Variants in TOP3A observed in about 807,000 individuals in gnomAD.
TOP3A encodes DNA topoisomerase III alpha, also known as DNA topoisomerase 3-alpha.
Under a neutral mutation model 111.3 loss-of-function variants are expected in TOP3A, and 64 were observed. That is an observed-to-expected ratio of 0.57 (90% CI 0.47 to 0.71). The LOEUF is 0.71. TOP3A is among the 30% of genes least tolerant of loss of function. TOP3A has a pLI of 0.00. For missense variants in TOP3A, 1,104 were observed against 1,285.0 expected, an observed-to-expected ratio of 0.86 and a Z score of 2.15; for synonymous variants, 484 against 485.1, an observed-to-expected ratio of 1.00 and a Z score of 0.03.
rs751280980 is a variant in TOP3A at position 18,278,322 on chromosome 17, G to A, written c.2180C>T (p.Pro727Leu). Residue 727 changes from proline to leucine, a missense_variant, in exon 18 of 19, where the codon CCG (proline) becomes CTG (leucine). Coordinates refer to ENST00000321105, the MANE Select transcript of TOP3A (RefSeq NM_004618.5). ...GCAAACAAACTCCAGAGGCATGGTC[G>A]GGGGAAGGCTACCGCGCTTAAACTT... is the stretch of plus-strand genomic sequence containing the variant. ...KLKFKRGSLP[P>L]TMPLEFVCCI... 30 of 1,516,142 alleles carry A rather than the reference G, an allele frequency of 2.0e-5. No homozygotes were observed. The East Asian group carries it at 3.6e-4, about 18-fold the overall frequency. 93.9% of individuals were successfully genotyped at this position (1,516,142 alleles called of 1,614,324 possible).
intron 18 of TOP3A, among the ~76,000 whole-genome samples, chr17:18,275,539 AT>A (rs1337214450): frequency 6.8e-6 from 1 of 147,420 alleles, no homozygotes; most frequent in Non-Finnish European, 1.5e-5. Flanking sequence ...TATTTTTTGT[AT>A]TTTTAGTAGA....
At chr17:18,285,333 G>GA (rs749420935) in intron 14 of TOP3A, 26 bp from the exon 15 acceptor site, 20 of 1,613,552 alleles carry the variant, frequency 1.2e-5, no homozygotes. Flanking sequence ...CGAGCTCAGT[G>GA]AGGGCCCACC....
Position 18,299,301 on chromosome 17 carries a change from C to A in TOP3A, c.990+258G>T, listed in dbSNP as rs141305605. Among the ~76,000 whole-genome samples the A allele has an allele frequency of 2.7e-3, 415 of 152,234 alleles. 5 individuals are homozygous for A. The highest frequency in any genetic ancestry group is 9.3e-3 in the African/African-American group (387 of 41,528). On this transcript the variant is annotated intron_variant, in intron 9 of 18. Transcript: ENST00000321105. ...AAATAATTAGCTGGTCATAGTGGTACATGACTATAGTCCCAGCTACTTGGG... is the reference window on the plus strand; with the variant it reads ...AAATAATTAGCTGGTCATAGTGGTAAATGACTATAGTCCCAGCTACTTGGG...
chr17:18,301,426 C>G (rs1353663858), intron 8 of TOP3A, among the ~76,000 whole-genome samples: 1 of 152,180 alleles, frequency 6.6e-6, no homozygotes, highest in Non-Finnish European at 1.5e-5. Context: ...CGGCCTTTCT[C>G]TATCCCTTTA....
At chr17:18,291,377 C>G (rs1345566358) in intron 11 of TOP3A, among the ~76,000 whole-genome samples, 1 of 152,258 alleles carries the variant, frequency 6.6e-6, no homozygotes, top group African/African-American at 2.4e-5. Context: ...CACCTGGTGG[C>G]CTTAGCCCAA....
chr17:18,294,002 G>T (rs936865469), intron 10 of TOP3A, among the ~76,000 whole-genome samples: 1 of 152,194 alleles, frequency 6.6e-6, no homozygotes, highest in Non-Finnish European at 1.5e-5. Context: ...ATCCCAATTT[G>T]GACAACTTGA....
Position 18,277,921 on chromosome 17 carries a change from C to G in TOP3A, c.2581G>C (p.Ala861Pro). The G allele has an allele frequency of 6.2e-7, 1 of 1,613,950 alleles. No individual in the cohort carries two copies. The highest frequency in any genetic ancestry group is 8.5e-7 in the Non-Finnish European group (1 of 1,180,026). Residue 861 changes from alanine to proline, a missense_variant, in exon 18 of 19, where the codon GCC becomes CCC. Physicochemically the swap from Ala to Pro is conservative, Grantham distance 27. Coordinates refer to ENST00000321105, the MANE Select transcript of TOP3A (RefSeq NM_004618.5). ...SPNPGAGGPP[A>P]LAYRPLGASL... is the part of the protein sequence containing the mutation. ...GCGCCCAGGGGTCTATATGCCAAGG[C>G]AGGAGGCCCTCCTGCTCCCGGATTG...
chr17:18,280,676 T>A lies in TOP3A; in HGVS notation c.2022-18A>T. ...GGTAGAACCTGGGGACAAAGTGCCA[T>A]GTCAGATGATAGGAGTGCAGGAGAT... On this transcript the variant is annotated intron_variant, in intron 16 of 18. Coordinates refer to ENST00000321105, the MANE Select transcript of TOP3A (RefSeq NM_004618.5). 1 of 1,613,588 alleles carries A rather than the reference T, an allele frequency of 6.2e-7. No individual in the cohort carries two copies. The highest frequency in any genetic ancestry group is 2.2e-5 in the East Asian group (1 of 44,868).
Position 18,290,933 on chromosome 17 carries a change from T to C in TOP3A, c.1376A>G (p.Asp459Gly), listed in dbSNP as rs920959052. 6.2e-7 allele frequency: 1 copy of C among 1,614,174 alleles called. No homozygotes were observed. Among genetic ancestry groups the C allele is most frequent in the African/African-American group, 1.3e-5 (1 of 75,020 alleles). ...AQGQETTVEI[D>G]IAQERFVAHG... ...GGCCACAAAGCGTTCCTGAGCGATGTCGATCTCCACTGTGGTCTCCTGCCC... is the reference window on the plus strand; with the variant it reads ...GGCCACAAAGCGTTCCTGAGCGATGCCGATCTCCACTGTGGTCTCCTGCCC... Residue 459 changes from aspartate to glycine, a missense_variant, in exon 12 of 19, where the codon GAC becomes GGC. Physicochemically the swap from Asp to Gly is moderately conservative, Grantham distance 94. Transcript: ENST00000321105.
intron 9 of TOP3A, among the ~76,000 whole-genome samples, chr17:18,296,948 A>G (rs1484211456): frequency 1.3e-5 from 2 of 152,232 alleles, no homozygotes; most frequent in Non-Finnish European, 2.9e-5. Flanking sequence ...CAGATTATAC[A>G]GCAACATGAA....
chr17:18,290,502 G>C (rs1421666036), intron 13 of TOP3A, 55 bp downstream of exon 13: 3 of 1,480,324 alleles, frequency 2.0e-6, no homozygotes, highest in Non-Finnish European at 2.7e-6. Context: ...ACCTGTACCT[G>C]GTACACTGTA....
At chr17:18,283,753 T>G (rs1403661756) in intron 15 of TOP3A, among the ~76,000 whole-genome samples, 1 of 152,184 alleles carries the variant, frequency 6.6e-6, no homozygotes, top group African/African-American at 2.4e-5. Flanking sequence ...TGACTGGCTA[T>G]AAACTGGGGT....
Position 18,282,854 on chromosome 17 carries a change from CAA to C in TOP3A, c.1878-15_1878-14del. 1 of 1,613,714 alleles carries C rather than the reference CAA, an allele frequency of 6.2e-7. No homozygotes were observed. Among genetic ancestry groups the C allele is most frequent in the Non-Finnish European group, 8.5e-7 (1 of 1,179,992 alleles). ...GGCCTCGTCCAATCTGAAGAAAAGG[CAA>C]AGACAGACACCCATCAGCCAGCAAT... On this transcript the variant is annotated splice_polypyrimidine_tract_variant and intron_variant, in intron 15 of 18. Coordinates refer to ENST00000321105, the MANE Select transcript of TOP3A (RefSeq NM_004618.5).
At chr17:18,301,014 A>G (rs967410251) in intron 8 of TOP3A, among the ~76,000 whole-genome samples, 1 of 152,210 alleles carries the variant, frequency 6.6e-6, no homozygotes, top group Non-Finnish European at 1.5e-5. Flanking sequence ...TTAGGATTAA[A>G]CAAAACAACA....
chr17:18,295,095 C>T (rs1038815593), intron 9 of TOP3A, among the ~76,000 whole-genome samples: 1 of 152,236 alleles, frequency 6.6e-6, no homozygotes, highest in Admixed American at 6.5e-5. Context: ...GCAATCCTCC[C>T]GCCTTGGCCT....
intron 7 of TOP3A, 21 bp from the exon 8 acceptor site, chr17:18,302,006 C>T (rs763854634): frequency 7.4e-5 from 119 of 1,601,670 alleles, no homozygotes; most frequent in Middle Eastern, 6.6e-4. Context: ...GAGAGACAAA[C>T]AGAAAGGCTG....
At position 18,277,967 on chromosome 17, in the gene TOP3A, G is replaced by A. The variant is rs779312445; in HGVS notation, c.2535C>T (p.Phe845=). 2 of 1,614,048 alleles carry A rather than the reference G, an allele frequency of 1.2e-6. No individual in the cohort carries two copies. The part of the protein sequence containing the change: ...FFKCNGGSCN[F]FLWADSPNPG... ...GATTGGGGCTGTCTGCCCACAGGAA[G>A]AAGTTGCAGCTACCTCCGTTGCACT... Residue 845 remains phenylalanine, a synonymous_variant, in exon 18 of 19, where the codon TTC becomes TTT. Coordinates refer to ENST00000321105, the MANE Select transcript of TOP3A (RefSeq NM_004618.5).
At chr17:18,299,413 G>T in intron 9 of TOP3A, 146 bp downstream of exon 9, 1 of 750,272 alleles carries the variant, frequency 1.3e-6, no homozygotes, top group Non-Finnish European at 2.4e-6. Flanking sequence ...AGGCTAAGCA[G>T]GACCGTGTCT....
At position 18,275,313 on chromosome 17, in the gene TOP3A, AAAAG is replaced by A. The variant is rs1271952153; in HGVS notation, c.2828-337_2828-334del. Among the ~76,000 whole-genome samples the A allele has an allele frequency of 1.2e-4, 18 of 150,060 alleles. No homozygotes were observed. In the South Asian group the frequency reaches 2.1e-3, roughly 18 times the overall value. Reference sequence around the variant, plus strand: ...TGTCTCAAAAAAAAAAAAAAAAAAAAAAAGAGCAGCAGACGATAAGGCTGAACCA... The same window carrying A: ...TGTCTCAAAAAAAAAAAAAAAAAAAAAGCAGCAGACGATAAGGCTGAACCA... On this transcript the variant is annotated intron_variant, in intron 18 of 18. Coordinates refer to ENST00000321105, the MANE Select transcript of TOP3A (RefSeq NM_004618.5).
Sources: gnomAD v4.1 joint callset for allele counts (sites outside exome capture counted in the v4.1 genomes callset) on GRCh38, gnomAD v4.1.1 for gene constraint, MANE v1.5 for transcripts, NCBI Gene and HGNC (gene_info 2026-07-23, HGNC 2026-07-21) for gene names.